The following CWF19L1 variants were observed in gnomAD, a reference collection of about 807,000 sequenced individuals.
CWF19L1 encodes CWF19-like protein 1.
Under a neutral mutation model 69.7 loss-of-function variants are expected in CWF19L1, and 60 were observed. The observed-to-expected ratio is 0.86, with a 90% CI of 0.70 to 1.07. CWF19L1 has a LOEUF of 1.07. CWF19L1 is among the 50% of genes least tolerant of loss of function. The pLI, the probability that CWF19L1 is intolerant of heterozygous loss-of-function variation, is 0.00. For synonymous variants in CWF19L1, 209 were observed against 222.2 expected (o/e 0.94, Z 0.53); for missense variants, 591 against 638.9 (o/e 0.92, Z 0.81).
intron 1 of CWF19L1, 60 bp downstream of exon 1, chr10:100,267,511 T>C: frequency 6.2e-7 from 1 of 1,613,742 alleles, no homozygotes; most frequent in Non-Finnish European, 8.5e-7. Context: ...CCCGCCCGTG[T>C]CGTCACCTAC....
chr10:100,266,799 C>T (rs991009425), intron 1 of CWF19L1, among the ~76,000 whole-genome samples: 1 of 151,706 alleles, frequency 6.6e-6, no homozygotes, highest in African/African-American at 2.4e-5. Context: ...GGATTACAGG[C>T]GTGAGCCACC....
At chr10:100,240,238 A>G (rs1197823421) in intron 10 of CWF19L1, among the ~76,000 whole-genome samples, 2 of 152,168 alleles carry the variant, frequency 1.3e-5, no homozygotes, top group Non-Finnish European at 2.9e-5. Context: ...ATTATTTTAC[A>G]CTCTCAGCAG....
At chr10:100,246,212 C>A (rs1301768290) in intron 8 of CWF19L1, 1 of 279,174 alleles carries the variant, frequency 3.6e-6, no homozygotes, top group Admixed American at 4.6e-5. Context: ...ATTCTCTTTT[C>A]TTTTTTCTCT....
At chr10:100,265,374 C>T (rs893340517) in intron 1 of CWF19L1, among the ~76,000 whole-genome samples, 9 of 151,646 alleles carry the variant, frequency 5.9e-5, no homozygotes, top group African/African-American at 2.2e-4. Context: ...TTCATAAAGT[C>T]TACAATACTG....
intron 12 of CWF19L1, among the ~76,000 whole-genome samples, chr10:100,236,355 C>A (rs115598142): frequency 0.012 from 1,775 of 152,146 alleles, 46 homozygotes; most frequent in African/African-American, 0.04. Flanking sequence ...GTGCTCCTCC[C>A]GCCTCAGCCT....
chr10:100,266,359 C>A (rs1187599288), intron 1 of CWF19L1, among the ~76,000 whole-genome samples: 1 of 133,016 alleles, frequency 7.5e-6, no homozygotes, highest in South Asian at 2.4e-4. Flanking sequence ...TTTTTTTTTT[C>A]TGTATTTTTT....
In CWF19L1 at chr10:100,247,014, T is replaced by A. The variant is rs536619542; in HGVS notation, c.709-79A>T. ...TAATCAACCTATTTTACTGTGAAGA[T>A]TTCACAGAAAACATGTGAAACTCAG... On this transcript the variant is annotated intron_variant, in intron 7 of 13. Coordinates refer to ENST00000354105, the MANE Select transcript of CWF19L1 (RefSeq NM_018294.6). 49 of 1,299,244 alleles carry A rather than the reference T, an allele frequency of 3.8e-5. No individual in the cohort carries two copies. The Admixed American group carries it at 7.1e-4, about 19-fold the overall frequency. The allele number at this position is 1,299,244 out of a possible 1,614,324, so 80.5% of individuals were successfully genotyped here.
intron 12 of CWF19L1, among the ~76,000 whole-genome samples, chr10:100,236,101 C>CT (rs781285945): frequency 0.06 from 7,856 of 131,320 alleles, 341 homozygotes; most frequent in African/African-American, 0.12. Flanking sequence ...TCCACTGCCT[C>CT]TTTTTTTTTT....
chr10:100,260,284 G>C lies in CWF19L1; in HGVS notation c.223C>G (p.Gln75Glu), dbSNP rs1238166204. ...IQTYVLGANN[Q>E]ETVKYFQDAD... ...TCCTGGAAATATTTTACTGTTTCCTGGTTATTAGCACCAAGCACATATGTC... is the reference window on the plus strand; with the variant it reads ...TCCTGGAAATATTTTACTGTTTCCTCGTTATTAGCACCAAGCACATATGTC... The change falls in exon 4 of 14, where the codon CAG (glutamine) becomes GAG (glutamate). Residue 75 changes from glutamine (Q) to glutamate (E), a missense_variant. Gln to Glu is a conservative substitution (Grantham distance 29). Transcript: ENST00000354105. 1 of 1,612,130 alleles carries C rather than the reference G, an allele frequency of 6.2e-7. No homozygotes were observed. The highest frequency in any genetic ancestry group is 8.5e-7 in the Non-Finnish European group (1 of 1,178,370).
intron 12 of CWF19L1, 65 bp downstream of exon 12, chr10:100,236,785 C>CA (rs1564848896): frequency 1.3e-6 from 2 of 1,520,488 alleles, no homozygotes; most frequent in African/African-American, 1.4e-5. Flanking sequence ...AACAAACAAA[C>CA]AACAAACAAC....
At chr10:100,256,536 T>C in intron 4 of CWF19L1, 60 bp from the exon 5 acceptor site, 4 of 1,336,468 alleles carry the variant, frequency 3.0e-6, no homozygotes, top group Admixed American at 1.7e-5. Flanking sequence ...AAGCCATCAA[T>C]AGGGGGATGA....
At chr10:100,247,007 G>C in intron 7 of CWF19L1, 72 bp from the exon 8 acceptor site, 1 of 1,358,392 alleles carries the variant, frequency 7.4e-7, no homozygotes. Flanking sequence ...CTATTTTACT[G>C]TGAAGATTTC....
chr10:100,238,277 G>T, intron 10 of CWF19L1, 46 bp from the exon 11 acceptor site: 1 of 1,565,912 alleles, frequency 6.4e-7, no homozygotes, highest in Non-Finnish European at 8.8e-7. Context: ...CAGCATGTAG[G>T]ATTCTCCAGG....
At chr10:100,251,023 G>A (rs958362540) in intron 6 of CWF19L1, among the ~76,000 whole-genome samples, 8 of 151,484 alleles carry the variant, frequency 5.3e-5, no homozygotes, top group Non-Finnish European at 8.8e-5. Flanking sequence ...AAGTTTTCAC[G>A]GTTCAACCAT....
intron 2 of CWF19L1, 82 bp from the exon 3 acceptor site, chr10:100,261,126 T>A: frequency 2.3e-6 from 2 of 875,084 alleles, no homozygotes; most frequent in Non-Finnish European, 1.8e-6. Flanking sequence ...CAACTAGTTA[T>A]TTAATAGTTT....
At chr10:100,240,855 G>A (rs991056064) in intron 10 of CWF19L1, among the ~76,000 whole-genome samples, 1 of 152,052 alleles carries the variant, frequency 6.6e-6, no homozygotes, top group Non-Finnish European at 1.5e-5. Flanking sequence ...CATCCAAAAA[G>A]GGCACTGCTA....
At chr10:100,257,563 G>A (rs1209477810) in intron 4 of CWF19L1, among the ~76,000 whole-genome samples, 2 of 151,992 alleles carry the variant, frequency 1.3e-5, no homozygotes, top group African/African-American at 4.8e-5. Flanking sequence ...CTCCCAAGGT[G>A]CTAGGATTAC....
At chr10:100,239,475 C>T (rs980814192) in intron 10 of CWF19L1, among the ~76,000 whole-genome samples, 5 of 152,150 alleles carry the variant, frequency 3.3e-5, no homozygotes, top group Non-Finnish European at 5.9e-5. Flanking sequence ...CCCGTCTCTA[C>T]TAAAAATACA....
intron 1 of CWF19L1, chr10:100,262,280 C>T (rs1847429920): frequency 1.0e-6 from 1 of 985,294 alleles, no homozygotes; most frequent in African/African-American, 1.7e-5. Flanking sequence ...TCATTTACTC[C>T]ACAATTGAGC....
Sources: allele counts gnomAD v4.1 joint callset (sites outside exome capture counted in the v4.1 genomes callset), GRCh38; gene constraint gnomAD v4.1.1; transcripts MANE v1.5; gene names NCBI Gene and HGNC (gene_info 2026-07-23, HGNC 2026-07-21).